CACNA1C: variants seen among roughly 807,000 people sequenced by gnomAD.
The protein encoded by CACNA1C is voltage-dependent L-type calcium channel subunit alpha-1C.
A neutral mutation model predicts 229.0 loss-of-function variants in CACNA1C; 30 were observed. The ratio of observed to expected loss-of-function variants is 0.13; its 90% CI spans 0.10 to 0.18. CACNA1C has a LOEUF of 0.18. Among genes scored for constraint, CACNA1C ranks in the 10% least tolerant of loss-of-function variants. The pLI is 1.00. For synonymous variants in CACNA1C, 1,114 were observed against 1,132.5 expected, an observed-to-expected ratio of 0.98 and a Z score of 0.33; for missense variants, 1,658 against 2,845.0, an observed-to-expected ratio of 0.58 and a Z score of 9.49.
chr12:2,641,727 C>A, intron 30 of CACNA1C: 1 of 702,406 alleles, frequency 1.4e-6, no homozygotes. Context: ...AGGCGATGCT[C>A]AACCTGCAGG....
At chr12:2,607,269 G>T in intron 26 of CACNA1C, 139 bp downstream of exon 26, 1 of 806,406 alleles carries the variant, frequency 1.2e-6, no homozygotes, top group Admixed American at 2.9e-5. Flanking sequence ...AGGCAGTGAG[G>T]TGTATTTCTA....
In CACNA1C at chr12:2,028,418, C is replaced by T. The variant is rs1175314404; in HGVS notation, c.139+57217C>T. Among the ~76,000 whole-genome samples, 4 of 152,126 alleles carry T rather than the reference C, an allele frequency of 2.6e-5. No homozygotes were observed. In the South Asian group the frequency reaches 8.3e-4, roughly 32 times the overall value. ...TTTTATAGAGGAGGATGCTGAGGGC[C>T]AGAGAGTTTTATAATCTGCTCAAAG... On this transcript the variant is annotated intron_variant, in intron 1 of 46. Coordinates refer to the CACNA1C transcript ENST00000682462.
At chr12:2,168,934 A>G (rs2096361978) in intron 3 of CACNA1C, among the ~76,000 whole-genome samples, 1 of 152,092 alleles carries the variant, frequency 6.6e-6, no homozygotes, top group African/African-American at 2.4e-5. Flanking sequence ...ACCCTTTCTA[A>G]GGCTTCCTGG....
chr12:2,611,824 G>T, intron 28 of CACNA1C, 79 bp from the exon 29 acceptor site: 1 of 895,234 alleles, frequency 1.1e-6, no homozygotes, highest in South Asian at 1.5e-5. Flanking sequence ...GAGGGCCTTC[G>T]AGAAGGCTGG....
rs989570852 is a variant in CACNA1C at position 2,348,992 on chromosome 12, G to T, written c.478-99984G>T. ...AGTTCAGTTAGCCCAGAATGGTGAA[G>T]AAAATGGCTGTCACCCAAAACACAC... On this transcript the variant is annotated intron_variant, in intron 3 of 46. Coordinates refer to ENST00000399655, the MANE Select transcript of CACNA1C (RefSeq NM_000719.7). This position sits in a 1 kb window ranked among gnomAD's most constrained non-coding sequence, Gnocchi z 4.7. Among the ~76,000 whole-genome samples, 3 of 152,176 alleles carry T rather than the reference G, an allele frequency of 2.0e-5. No individual in the cohort carries two copies. Among genetic ancestry groups the T allele is most frequent in the Admixed American group, 6.5e-5 (1 of 15,280 alleles).
chr12:2,611,359 T>G (rs1602040269), intron 28 of CACNA1C, among the ~76,000 whole-genome samples: 3 of 93,138 alleles, frequency 3.2e-5, no homozygotes, highest in African/African-American at 4.3e-5. Context: ...GGTTGATCAA[T>G]GGAGAGGGGA....
chr12:2,025,764 T>C (rs1261739290), intron 1 of CACNA1C, among the ~76,000 whole-genome samples: 3 of 152,228 alleles, frequency 2.0e-5, no homozygotes, highest in African/African-American at 7.2e-5. Context: ...GCAGAGCCAT[T>C]ACCAATCTCT....
In CACNA1C at chr12:2,147,700, T is replaced by TA. The variant is rs567991519; in HGVS notation, c.477+27271dup. 5.8e-4 allele frequency among the ~76,000 whole-genome samples: 86 copies of TA among 148,020 alleles called. 1 individual carries two copies. The highest frequency in any genetic ancestry group is 1.9e-3 in the South Asian group (9 of 4,636). On this transcript the variant is annotated intron_variant, in intron 3 of 46. Transcript: ENST00000399655. ...AAATGTAAAATGAAATTAATGAAAA[T>TA]ACGATGGTCAGATTGGAAGGAGAGA...
intron 3 of CACNA1C, among the ~76,000 whole-genome samples, chr12:2,375,155 TCA>T (rs1001623258): frequency 6.6e-6 from 1 of 152,206 alleles, no homozygotes; most frequent in Non-Finnish European, 1.5e-5. Context: ...GGCGCACTTC[TCA>T]CACACTGCCC....
intron 1 of CACNA1C, chr12:1,991,399 G>A: frequency 4.1e-6 from 1 of 245,462 alleles, no homozygotes. Flanking sequence ...AATATGAGGG[G>A]AACCACGAAC....
chr12:2,409,316 C>T (rs1475401354), intron 3 of CACNA1C, among the ~76,000 whole-genome samples: 2 of 152,184 alleles, frequency 1.3e-5, no homozygotes, highest in South Asian at 2.1e-4. Flanking sequence ...TAGCCTCAGA[C>T]CCCTCACCAC....
At chr12:2,110,365 G>T (rs1380370347) in intron 1 of CACNA1C, among the ~76,000 whole-genome samples, 1 of 152,196 alleles carries the variant, frequency 6.6e-6, no homozygotes, top group Non-Finnish European at 1.5e-5. Context: ...CCTACCTGTT[G>T]GTGTGTGGCC....
chr12:2,268,030 G>A (rs567460958), intron 3 of CACNA1C, among the ~76,000 whole-genome samples: 6 of 152,288 alleles, frequency 3.9e-5, no homozygotes, highest in Non-Finnish European at 7.4e-5. Flanking sequence ...CAGGTTTTTA[G>A]GTTCTTTGAT....
At chr12:2,114,681 A>G (rs1175682217) in intron 1 of CACNA1C, among the ~76,000 whole-genome samples, 2 of 152,170 alleles carry the variant, frequency 1.3e-5, no homozygotes, top group Non-Finnish European at 2.9e-5. Flanking sequence ...ACTCAGGTGC[A>G]GAGAGTTGAG....
At chr12:2,203,947 C>CT (rs1465674838) in intron 3 of CACNA1C, among the ~76,000 whole-genome samples, 1 of 152,186 alleles carries the variant, frequency 6.6e-6, no homozygotes, top group Non-Finnish European at 1.5e-5. Context: ...CATGGGGGAC[C>CT]AGGAGGCTCT....
chr12:1,978,483 T>G (rs1181523573), intron 1 of CACNA1C, among the ~76,000 whole-genome samples: 2 of 152,214 alleles, frequency 1.3e-5, no homozygotes, highest in African/African-American at 4.8e-5. Context: ...AAATTTTCAT[T>G]TATTTAAATA....
intron 3 of CACNA1C, among the ~76,000 whole-genome samples, chr12:2,372,057 T>G (rs976828799): frequency 2.0e-5 from 3 of 152,170 alleles, no homozygotes; most frequent in Admixed American, 6.5e-5. Context: ...TGGTTGGTTG[T>G]TTATCATTTG....
At chr12:2,594,563 A>G (rs1193071462) in intron 19 of CACNA1C, among the ~76,000 whole-genome samples, 2 of 152,230 alleles carry the variant, frequency 1.3e-5, no homozygotes, top group African/African-American at 4.8e-5. Flanking sequence ...CTCTAAATCT[A>G]GTAGTTTCTA....
intron 3 of CACNA1C, among the ~76,000 whole-genome samples, chr12:2,252,294 C>A (rs758170): frequency 6.6e-6 from 1 of 151,878 alleles, no homozygotes; most frequent in Admixed American, 6.6e-5. Flanking sequence ...GTAAATAGTC[C>A]GCCTGAAAAA....
Sources: allele counts gnomAD v4.1 joint callset (sites outside exome capture counted in the v4.1 genomes callset), GRCh38; gene constraint gnomAD v4.1.1; non-coding constraint Gnocchi (gnomAD v3.1); transcripts MANE v1.5; gene names NCBI Gene and HGNC (gene_info 2026-07-23, HGNC 2026-07-21).